Variants in KIRREL3 observed in about 807,000 individuals in gnomAD.
KIRREL3 encodes kirre like nephrin family adhesion molecule 3.
KIRREL3 carries 36 observed loss-of-function variants against 89.7 expected under a neutral mutation model. The observed-to-expected ratio is 0.40, with a 90% CI of 0.31 to 0.53. KIRREL3 has a LOEUF of 0.53. Among genes scored for constraint, KIRREL3 ranks in the 20% least tolerant of loss-of-function variants. The probability of loss-of-function intolerance (pLI) is 0.49; values close to 1 mark genes in which losing one functional copy is unlikely to be tolerated. For missense variants in KIRREL3, 864 were observed against 1,056.6 expected (o/e 0.82, Z 2.53); for synonymous variants, 445 against 441.4 (o/e 1.01, Z -0.10).
At chr11:126,625,227 A>C (rs561658769) in intron 1 of KIRREL3, among the ~76,000 whole-genome samples, 9 of 152,214 alleles carry the variant, frequency 5.9e-5, no homozygotes, top group South Asian at 2.1e-4. Context: ...CCTCAAGGTC[A>C]CTCAGCTTCC....
chr11:126,506,701 A>G (rs1346479776), intron 4 of KIRREL3, among the ~76,000 whole-genome samples: 1 of 152,238 alleles, frequency 6.6e-6, no homozygotes, highest in Non-Finnish European at 1.5e-5. Flanking sequence ...TAGCCATTCC[A>G]CTACTAGGAA....
intron 1 of KIRREL3, among the ~76,000 whole-genome samples, chr11:126,625,276 C>G (rs529660144): frequency 2.6e-5 from 4 of 152,124 alleles, no homozygotes; most frequent in Non-Finnish European, 4.4e-5. Flanking sequence ...GGTCTCAGGA[C>G]TGCTTCCCCT....
rs1046988585 is a variant in KIRREL3, at chr11:126,715,648, C to G, written c.56-152736G>C. Among the ~76,000 whole-genome samples the G allele has an allele frequency of 6.6e-6, 1 of 151,852 alleles. No individual in the cohort carries two copies. The highest frequency in any genetic ancestry group is 1.5e-5 in the Non-Finnish European group (1 of 68,018). On this transcript the variant is annotated intron_variant, in intron 1 of 16. Transcript: ENST00000525144. The surrounding 1 kb of genome is among the most constrained non-coding windows in gnomAD (Gnocchi z 4.4). ...AACAAGAGGAAAAGGGACTACAGCA[C>G]GTGAAACATACTAAAGAGAAGAGCA...
rs1950786184 is a variant in KIRREL3 at position 126,795,713 on chromosome 11, T to C, written c.55+204742A>G. ...ATATGTAGAAATTATTTGCACTTTC[T>C]GTTCAATATTTCTGTAAACCTAAAA... is the stretch of plus-strand genomic sequence containing the variant. On this transcript the variant is annotated intron_variant, in intron 1 of 16. Transcript: ENST00000525144. The surrounding 1 kb of genome is among the most constrained non-coding windows in gnomAD (Gnocchi z 4.1). Among the ~76,000 whole-genome samples, 2 of 152,198 alleles carry C rather than the reference T, an allele frequency of 1.3e-5. No homozygotes were observed. The highest frequency in any genetic ancestry group is 2.9e-5 in the Non-Finnish European group (2 of 68,042).
rs1950800754 is a variant in KIRREL3, at chr11:126,796,066, C to A, written c.55+204389G>T. 1.3e-5 allele frequency among the ~76,000 whole-genome samples: 2 copies of A among 152,208 alleles called. No individual in the cohort carries two copies. The highest frequency in any genetic ancestry group is 4.8e-5 in the African/African-American group (2 of 41,542). On this transcript the variant is annotated intron_variant, in intron 1 of 16. Coordinates refer to ENST00000525144, the MANE Select transcript of KIRREL3 (RefSeq NM_032531.4). This position sits in a 1 kb window ranked among gnomAD's most constrained non-coding sequence, Gnocchi z 5.1. ...CATTTAAATTGTTATTTAGACTAAC[C>A]TTTCAATGGGACACGTTTTTATCCA...
At position 126,990,087 on chromosome 11, in the gene KIRREL3, G is replaced by T. The variant is rs746258182; in HGVS notation, c.55+10368C>A. Reference sequence around the variant, plus strand: ...GAAAACGCCTGGAGCGGGGCAGGGGGCACAGGCCTGGAGGCGGCTCTAGGG... The same window carrying T: ...GAAAACGCCTGGAGCGGGGCAGGGGTCACAGGCCTGGAGGCGGCTCTAGGG... On this transcript the variant is annotated intron_variant, in intron 1 of 16. Coordinates refer to ENST00000525144, the MANE Select transcript of KIRREL3 (RefSeq NM_032531.4). This position sits in a 1 kb window ranked among gnomAD's most constrained non-coding sequence, Gnocchi z 6.3. 6.6e-6 allele frequency among the ~76,000 whole-genome samples: 1 copy of T among 152,178 alleles called. No individual in the cohort carries two copies. Among genetic ancestry groups the T allele is most frequent in the Non-Finnish European group, 1.5e-5 (1 of 68,024 alleles).
rs146089746 is a variant in KIRREL3 at position 126,817,537 on chromosome 11, A to G, written c.55+182918T>C. On this transcript the variant is annotated intron_variant, in intron 1 of 16. Coordinates refer to ENST00000525144, the MANE Select transcript of KIRREL3 (RefSeq NM_032531.4). This position sits in a 1 kb window ranked among gnomAD's most constrained non-coding sequence, Gnocchi z 5.7. ...AGCATCCCCAGTCCTCTGGTGTCCT[A>G]TGGTTGGAACCCCTGCTCGGTACTC... Among the ~76,000 whole-genome samples the G allele has an allele frequency of 4.6e-5, 7 of 152,284 alleles. No individual in the cohort carries two copies. In the East Asian group the frequency reaches 7.7e-4, roughly 17 times the overall value.
chr11:126,613,060 T>G (rs778939667), intron 1 of KIRREL3, among the ~76,000 whole-genome samples: 2 of 152,242 alleles, frequency 1.3e-5, no homozygotes, highest in Non-Finnish European at 2.9e-5. Flanking sequence ...ACCGCCAAAC[T>G]GCTTTCTGAG....
intron 1 of KIRREL3, among the ~76,000 whole-genome samples, chr11:126,753,410 C>G (rs1404892237): frequency 6.6e-6 from 1 of 152,202 alleles, no homozygotes; most frequent in East Asian, 1.9e-4. Context: ...TAGACGGCCC[C>G]CTTCCTTAGA....
chr11:126,832,492 G>A (rs1943642063), intron 1 of KIRREL3, among the ~76,000 whole-genome samples: 1 of 152,202 alleles, frequency 6.6e-6, no homozygotes, highest in South Asian at 2.1e-4. Flanking sequence ...CTATCGTGAG[G>A]AAAGCTTGAA....
At chr11:126,919,448 C>T (rs1471375476) in intron 1 of KIRREL3, among the ~76,000 whole-genome samples, 3 of 152,174 alleles carry the variant, frequency 2.0e-5, no homozygotes, top group Non-Finnish European at 2.9e-5. Context: ...TACTTTAAAC[C>T]TTGGTAGTTC....
In KIRREL3 at chr11:126,990,122, G is replaced by A. The variant is rs796823252; in HGVS notation, c.55+10333C>T. 4.6e-5 allele frequency among the ~76,000 whole-genome samples: 7 copies of A among 152,246 alleles called. 1 individual carries two copies. Among genetic ancestry groups the A allele is most frequent in the African/African-American group, 1.4e-4 (6 of 41,550 alleles). On this transcript the variant is annotated intron_variant, in intron 1 of 16. Coordinates refer to ENST00000525144, the MANE Select transcript of KIRREL3 (RefSeq NM_032531.4). The surrounding 1 kb of genome is among the most constrained non-coding windows in gnomAD (Gnocchi z 6.3). ...GGAGGCGGCTCTAGGGAGAGGTAGG[G>A]GCTCTGGGCTGGCGGTCCCCCTGCT...
At position 126,788,074 on chromosome 11, in the gene KIRREL3, C is replaced by T. The variant is rs189774965; in HGVS notation, c.55+212381G>A. 1.1e-4 allele frequency among the ~76,000 whole-genome samples: 16 copies of T among 152,250 alleles called. No individual in the cohort carries two copies. The highest frequency in any genetic ancestry group is 5.8e-4 in the East Asian group (3 of 5,186). ...CTGATCCATGACCAACTTGGTAGCC[C>T]GGCTCTGGAGCCCATACTCTTAGCC... On this transcript the variant is annotated intron_variant, in intron 1 of 16. Transcript: ENST00000525144. This position sits in a 1 kb window ranked among gnomAD's most constrained non-coding sequence, Gnocchi z 4.1.
At chr11:126,979,603 C>T (rs1034785782) in intron 1 of KIRREL3, among the ~76,000 whole-genome samples, 1 of 152,142 alleles carries the variant, frequency 6.6e-6, no homozygotes, top group Non-Finnish European at 1.5e-5. Flanking sequence ...CTTGAGCTTT[C>T]GTTTTGGCTC....
chr11:126,835,278 G>A (rs1361254037), intron 1 of KIRREL3, among the ~76,000 whole-genome samples: 1 of 152,252 alleles, frequency 6.6e-6, no homozygotes, highest in East Asian at 1.9e-4. Flanking sequence ...TCAGGTTTAA[G>A]AAGGTTCTTT....
In KIRREL3 at chr11:126,872,342, G is replaced by A. The variant is rs112280253; in HGVS notation, c.55+128113C>T. 9.8e-4 allele frequency among the ~76,000 whole-genome samples: 150 copies of A among 152,320 alleles called. 1 individual carries two copies. The highest frequency in any genetic ancestry group is 3.1e-3 in the African/African-American group (130 of 41,582). On this transcript the variant is annotated intron_variant, in intron 1 of 16. Coordinates refer to ENST00000525144, the MANE Select transcript of KIRREL3 (RefSeq NM_032531.4). This position sits in a 1 kb window ranked among gnomAD's most constrained non-coding sequence, Gnocchi z 4.2. ...CTTAATTTGCATGTAAATAAAGGGG[G>A]TATAAACACAGTTGTCAGCAGCCCA...
In KIRREL3 at chr11:126,761,105, C is replaced by T. The variant is rs1949654256; in HGVS notation, c.56-198193G>A. Among the ~76,000 whole-genome samples the T allele has an allele frequency of 6.6e-6, 1 of 152,216 alleles. No individual in the cohort carries two copies. The highest frequency in any genetic ancestry group is 2.4e-5 in the African/African-American group (1 of 41,460). ...ATGGAATGGGTGTGGAGGTGGCTCA[C>T]TTCCTCCTGCCTGCTTCTTCTGAAG... On this transcript the variant is annotated intron_variant, in intron 1 of 16. Transcript: ENST00000525144. The surrounding 1 kb of genome is among the most constrained non-coding windows in gnomAD (Gnocchi z 4.4).
At chr11:126,813,875 G>A (rs1443510572) in intron 1 of KIRREL3, among the ~76,000 whole-genome samples, 3 of 151,726 alleles carry the variant, frequency 2.0e-5, no homozygotes, top group Non-Finnish European at 4.4e-5. Context: ...TGATGAAAAC[G>A]CCAAAAGCAA....
chr11:126,993,348 G>A lies in KIRREL3; in HGVS notation c.55+7107C>T, dbSNP rs1950089829. Among the ~76,000 whole-genome samples the A allele has an allele frequency of 6.6e-6, 1 of 152,122 alleles. No individual in the cohort carries two copies. Among genetic ancestry groups the A allele is most frequent in the South Asian group, 2.1e-4 (1 of 4,822 alleles). On this transcript the variant is annotated intron_variant, in intron 1 of 16. Coordinates refer to ENST00000525144, the MANE Select transcript of KIRREL3 (RefSeq NM_032531.4). This position sits in a 1 kb window ranked among gnomAD's most constrained non-coding sequence, Gnocchi z 6.1. ...GCACTCTAGCCATCATACTGCCCATGGCTTCTGAACATATCGCATTCTGTT... is the reference window on the plus strand; with the variant it reads ...GCACTCTAGCCATCATACTGCCCATAGCTTCTGAACATATCGCATTCTGTT...
Sources: allele counts gnomAD v4.1 joint callset (sites outside exome capture counted in the v4.1 genomes callset), GRCh38; gene constraint gnomAD v4.1.1; non-coding constraint Gnocchi (gnomAD v3.1); transcripts MANE v1.5; gene names NCBI Gene and HGNC (gene_info 2026-07-23, HGNC 2026-07-21).